The following SMIM36 variants were observed in gnomAD, a reference collection of about 807,000 sequenced individuals.
The protein encoded by SMIM36 is small integral membrane protein 36.
intron 1 of SMIM36, among the ~76,000 whole-genome samples, chr17:55,498,847 A>T (rs1248739693): frequency 6.6e-6 from 1 of 151,870 alleles, no homozygotes; most frequent in African/African-American, 2.4e-5. Flanking sequence ...AAAAACACAA[A>T]AAATTAGCCT....
upstream of SMIM36, among the ~76,000 whole-genome samples, chr17:55,513,888 T>C (rs1341625279): frequency 2.0e-5 from 3 of 152,252 alleles, no homozygotes; most frequent in Non-Finnish European, 4.4e-5. Flanking sequence ...TGGTCTGGCC[T>C]GTCTTCTTAG....
upstream of SMIM36, among the ~76,000 whole-genome samples, chr17:55,511,991 A>C (rs944971970): frequency 6.6e-6 from 1 of 152,238 alleles, no homozygotes; most frequent in Non-Finnish European, 1.5e-5. Context: ...AAGACAGAGA[A>C]GCAGGTAGTC....
intron 4 of SMIM36, among the ~76,000 whole-genome samples, chr17:55,465,069 T>C (rs1286723557): frequency 6.6e-6 from 1 of 152,164 alleles, no homozygotes; most frequent in African/African-American, 2.4e-5. Flanking sequence ...TGAATAGAAG[T>C]GTACAGTGGG....
chr17:55,485,678 G>A (rs1018775968), intron 1 of SMIM36, among the ~76,000 whole-genome samples: 2 of 152,316 alleles, frequency 1.3e-5, no homozygotes, highest in South Asian at 4.1e-4. Context: ...ATAGAATAAT[G>A]TTAATATCTA....
intron 3 of SMIM36, among the ~76,000 whole-genome samples, chr17:55,475,196 G>A (rs1372328464): frequency 1.3e-5 from 2 of 152,048 alleles, no homozygotes; most frequent in Non-Finnish European, 2.9e-5. Context: ...ACTCATAAAT[G>A]CCCTGCCCCT....
intron 1 of SMIM36, among the ~76,000 whole-genome samples, chr17:55,508,928 CAAAAA>C (rs35834283): frequency 6.2e-5 from 6 of 97,028 alleles, no homozygotes; most frequent in South Asian, 6.4e-4. Context: ...TGTCTCAGAA[CAAAAA>C]AAAAAAAAAA....
intron 4 of SMIM36, among the ~76,000 whole-genome samples, chr17:55,466,095 T>A (rs1909230739): frequency 1.3e-5 from 2 of 151,648 alleles, no homozygotes. Flanking sequence ...CTGACCAACA[T>A]GGTAAAACCC....
chr17:55,451,432 C>T (rs1410994908), intron 4 of SMIM36, among the ~76,000 whole-genome samples: 2 of 152,218 alleles, frequency 1.3e-5, no homozygotes, highest in African/African-American at 4.8e-5. Flanking sequence ...CATGGCTCTT[C>T]CTGTGGCTGA....
intron 4 of SMIM36, among the ~76,000 whole-genome samples, chr17:55,455,464 C>G (rs1016157112): frequency 2.0e-5 from 3 of 151,390 alleles, no homozygotes; most frequent in Non-Finnish European, 4.4e-5. Context: ...TCCACTGTCA[C>G]CTTAGCCTTC....
At chr17:55,519,924 T>C in the SMIM36 span, among the ~76,000 whole-genome samples, 64 of 152,356 alleles carry the variant, frequency 4.2e-4, no homozygotes, top group Middle Eastern at 0.017. Flanking sequence ...GTGGTTGCTC[T>C]AACAAATTTC....
the SMIM36 span, among the ~76,000 whole-genome samples, chr17:55,517,342 G>A: frequency 6.6e-6 from 1 of 152,204 alleles, no homozygotes; most frequent in Non-Finnish European, 1.5e-5. Context: ...TCTGAGGTCA[G>A]GAGTTCAAGA....
At chr17:55,454,058 A>G (rs1908973176) in intron 4 of SMIM36, 2 of 152,218 alleles carry the variant, frequency 1.3e-5, no homozygotes, top group Non-Finnish European at 2.9e-5. Context: ...CGGAAGGGTC[A>G]TTAGCAGCTG....
At chr17:55,532,008 G>C in the SMIM36 span, among the ~76,000 whole-genome samples, 1 of 152,212 alleles carries the variant, frequency 6.6e-6, no homozygotes, top group Non-Finnish European at 1.5e-5. Context: ...TTTCTGGTCT[G>C]AGCCTGAATT....
chr17:55,453,026 G>A (rs1281893169), intron 4 of SMIM36, among the ~76,000 whole-genome samples: 1 of 152,128 alleles, frequency 6.6e-6, no homozygotes, highest in Non-Finnish European at 1.5e-5. Flanking sequence ...GTGAGACCAC[G>A]GGCTGGGTGT....
At chr17:55,492,034 C>T (rs756692945) in intron 1 of SMIM36, among the ~76,000 whole-genome samples, 2 of 151,640 alleles carry the variant, frequency 1.3e-5, no homozygotes, top group African/African-American at 4.8e-5. Context: ...TGGCAGGCAC[C>T]TGTAGTCCCA....
At chr17:55,468,571 G>A (rs1349733259) in intron 3 of SMIM36, among the ~76,000 whole-genome samples, 1 of 152,100 alleles carries the variant, frequency 6.6e-6, no homozygotes, top group Non-Finnish European at 1.5e-5. Flanking sequence ...TGCCTGCCTT[G>A]GTCATTCACC....
intron 3 of SMIM36, among the ~76,000 whole-genome samples, chr17:55,472,092 C>T (rs746423144): frequency 1.3e-5 from 2 of 152,228 alleles, no homozygotes; most frequent in African/African-American, 2.4e-5. Flanking sequence ...TAGCACCCAA[C>T]GCAACTGAAC....
chr17:55,459,032 G>A (rs1457033495), intron 4 of SMIM36, among the ~76,000 whole-genome samples: 2 of 152,104 alleles, frequency 1.3e-5, no homozygotes, highest in Non-Finnish European at 2.9e-5. Context: ...CGCCCACTGG[G>A]GCCTCAGGAG....
At chr17:55,474,878 G>A (rs990676519) in intron 3 of SMIM36, among the ~76,000 whole-genome samples, 5 of 152,116 alleles carry the variant, frequency 3.3e-5, no homozygotes, top group African/African-American at 4.8e-5. Flanking sequence ...TATGACACCC[G>A]GAAAACTTAG....
Sources: allele counts gnomAD v4.1 joint callset (sites outside exome capture counted in the v4.1 genomes callset), GRCh38; gene constraint gnomAD v4.1.1; transcripts MANE v1.5; gene names NCBI Gene and HGNC (gene_info 2026-07-23, HGNC 2026-07-21).